The following LDLRAD4 variants were observed in gnomAD, a reference collection of about 807,000 sequenced individuals.
LDLRAD4 encodes the protein low density lipoprotein receptor class A domain containing 4, also known as low-density lipoprotein receptor class A domain-containing protein 4.
In LDLRAD4, 5 loss-of-function variants were observed where a neutral mutation model predicts 17.0. The observed-to-expected ratio is 0.29, with a 90% CI of 0.15 to 0.62. The LOEUF (loss-of-function observed/expected upper bound fraction) is 0.62. Ranked by LOEUF, LDLRAD4 falls within the 20% of genes least tolerant of loss-of-function variation. The pLI is 0.84. For missense variants in LDLRAD4, 340 were observed against 424.7 expected (o/e 0.80, Z 1.75); for synonymous variants, 168 against 171.8 (o/e 0.98, Z 0.17).
chr18:13,408,164 G>A (rs986113198), intron 2 of LDLRAD4, among the ~76,000 whole-genome samples: 4 of 151,942 alleles, frequency 2.6e-5, no homozygotes, highest in African/African-American at 9.7e-5. Flanking sequence ...ACTTGAGGCT[G>A]GGAGTTCGAG....
intron 4 of LDLRAD4, among the ~76,000 whole-genome samples, chr18:13,638,552 G>A (rs1241335444): frequency 6.6e-6 from 1 of 152,202 alleles, no homozygotes; most frequent in Non-Finnish European, 1.5e-5. Flanking sequence ...CCAGACCTGT[G>A]TGCCCCCAGA....
intron 2 of LDLRAD4, chr18:13,419,499 T>A (rs2089249727): frequency 6.6e-6 from 1 of 152,224 alleles, no homozygotes; most frequent in African/African-American, 2.4e-5. Flanking sequence ...ACAACCTATC[T>A]GAGAGTCTTT....
At position 13,246,702 on chromosome 18, in the gene LDLRAD4, G is replaced by C. The variant is rs2042973342; in HGVS notation, c.-467+27714G>C. On this transcript the variant is annotated intron_variant, in intron 1 of 5. Coordinates refer to the LDLRAD4 transcript ENST00000399848. Reference sequence around the variant, plus strand: ...CAGTGTCTTGGAAAATTGGCCTCCAGAGATCAACTGTGGAGTGCGCCATGT... The same window carrying C: ...CAGTGTCTTGGAAAATTGGCCTCCACAGATCAACTGTGGAGTGCGCCATGT... 2.0e-5 allele frequency among the ~76,000 whole-genome samples: 3 copies of C among 152,230 alleles called. No individual in the cohort carries two copies. In the East Asian group the frequency reaches 5.8e-4, roughly 29 times the overall value.
upstream of LDLRAD4, chr18:13,217,708 G>C (rs2041239479): frequency 6.6e-6 from 1 of 151,114 alleles, no homozygotes; most frequent in Non-Finnish European, 1.5e-5. This position sits in a 1 kb window ranked among gnomAD's most constrained non-coding sequence, Gnocchi z 4.9. Flanking sequence ...CCTCCCCGGC[G>C]GCCGCAGCGC....
intron 2 of LDLRAD4, among the ~76,000 whole-genome samples, chr18:13,435,540 G>A (rs1260967708): frequency 6.6e-6 from 1 of 152,146 alleles, no homozygotes; most frequent in African/African-American, 2.4e-5. Context: ...TGGAACTTCT[G>A]GGCACAAACG....
At chr18:13,292,059 C>T (rs966244737) in intron 1 of LDLRAD4, among the ~76,000 whole-genome samples, 1 of 152,210 alleles carries the variant, frequency 6.6e-6, no homozygotes, top group Non-Finnish European at 1.5e-5. Flanking sequence ...GCTGTGTGCC[C>T]TTCAGAGGTG....
At chr18:13,260,781 G>C (rs1016611017) in intron 1 of LDLRAD4, among the ~76,000 whole-genome samples, 2 of 152,188 alleles carry the variant, frequency 1.3e-5, no homozygotes, top group African/African-American at 2.4e-5. Context: ...TGTTCCTTCC[G>C]GTGACTACCA....
intron 1 of LDLRAD4, among the ~76,000 whole-genome samples, chr18:13,256,738 G>T (rs1479373351): frequency 1.3e-5 from 2 of 152,238 alleles, no homozygotes; most frequent in Non-Finnish European, 2.9e-5. Flanking sequence ...AAGCTGGTGT[G>T]TGTGCTGGCA....
chr18:13,449,236 G>T (rs1293087124), intron 3 of LDLRAD4, among the ~76,000 whole-genome samples: 13 of 152,206 alleles, frequency 8.5e-5, no homozygotes, highest in Admixed American at 7.8e-4. Context: ...CCTCCGGAAG[G>T]TCCAGCTGTC....
intron 3 of LDLRAD4, among the ~76,000 whole-genome samples, chr18:13,590,329 TG>T (rs1305412822): frequency 5.2e-5 from 6 of 115,986 alleles, no homozygotes; most frequent in South Asian, 2.9e-4. Flanking sequence ...TATGTGTATG[TG>T]GGGGGTAAGT....
At chr18:13,612,491 G>C (rs1424184538) in intron 3 of LDLRAD4, 3 of 1,343,812 alleles carry the variant, frequency 2.2e-6, no homozygotes, top group Non-Finnish European at 2.9e-6. Context: ...CTAGCACCTG[G>C]GGTGGGCCCT....
rs192673784 is a variant in LDLRAD4, at chr18:13,483,445, G to A, written c.181+45061G>A. Among the ~76,000 whole-genome samples the A allele has an allele frequency of 3.7e-4, 56 of 152,302 alleles. 1 individual carries two copies. Among genetic ancestry groups the A allele is most frequent in the African/African-American group, 1.3e-3 (55 of 41,566 alleles). ...GCCTGGACAGACCCCTGGACCCGGG[G>A]GTCATGTCAGGCATCACGCAGCAGT... On this transcript the variant is annotated intron_variant, in intron 3 of 5. Coordinates refer to ENST00000359446, the Ensembl canonical transcript of LDLRAD4.
At chr18:13,512,002 G>A (rs943729589) in intron 3 of LDLRAD4, among the ~76,000 whole-genome samples, 21 of 152,224 alleles carry the variant, frequency 1.4e-4, no homozygotes, top group Non-Finnish European at 1.2e-4. Context: ...GTATGTAGTC[G>A]ACATTTCTTT....
intron 1 of LDLRAD4, among the ~76,000 whole-genome samples, chr18:13,284,401 T>C (rs2045485441): frequency 6.6e-6 from 1 of 152,160 alleles, no homozygotes; most frequent in African/African-American, 2.4e-5. Flanking sequence ...ATGGGATAAA[T>C]ACTTTGACGC....
intron 1 of LDLRAD4, among the ~76,000 whole-genome samples, chr18:13,284,908 C>T (rs2045525734): frequency 6.6e-6 from 1 of 152,220 alleles, no homozygotes; most frequent in Admixed American, 6.5e-5. Context: ...TAAGTCACAT[C>T]AGTGCATCTG....
chr18:13,565,451 G>T (rs1249105253), intron 3 of LDLRAD4, among the ~76,000 whole-genome samples: 1 of 152,254 alleles, frequency 6.6e-6, no homozygotes, highest in Non-Finnish European at 1.5e-5. Context: ...AGGACAAAGG[G>T]GCGCTGCGGT....
intron 1 of LDLRAD4, among the ~76,000 whole-genome samples, chr18:13,283,808 A>G (rs182711226): frequency 6.6e-6 from 1 of 152,350 alleles, no homozygotes; most frequent in Non-Finnish European, 1.5e-5. Flanking sequence ...TGATAAAGAC[A>G]TACCCGAGAC....
At chr18:13,352,086 A>G (rs2083070735) in intron 1 of LDLRAD4, among the ~76,000 whole-genome samples, 1 of 152,230 alleles carries the variant, frequency 6.6e-6, no homozygotes, top group African/African-American at 2.4e-5. Context: ...AAAACTCTCA[A>G]TAAACTATGT....
At chr18:13,649,074 G>A (rs547021083) in exon 6 of LDLRAD4, 1 of 152,288 alleles carries the variant, frequency 6.6e-6, no homozygotes, top group South Asian at 2.1e-4. Context: ...GAAATCCCAA[G>A]AGAGCAGAAG....
Sources: gnomAD v4.1 joint callset for allele counts (sites outside exome capture counted in the v4.1 genomes callset) on GRCh38, gnomAD v4.1.1 for gene constraint, Gnocchi (gnomAD v3.1) non-coding constraint, MANE v1.5 for transcripts, NCBI Gene and HGNC (gene_info 2026-07-23, HGNC 2026-07-21) for gene names.